PRC1: variants seen among roughly 807,000 people sequenced by gnomAD.
The protein encoded by PRC1 is protein regulator of cytokinesis 1.
In PRC1, 54 loss-of-function variants were observed where a neutral mutation model predicts 91.2. The ratio of observed to expected loss-of-function variants is 0.59; its 90% confidence interval spans 0.48 to 0.74. The LOEUF (loss-of-function observed/expected upper bound fraction) is 0.74, where lower values mean the gene tolerates loss of function less well. Ranked by LOEUF, PRC1 falls within the 30% of genes least tolerant of loss-of-function variation. The pLI is 0.00. For synonymous variants in PRC1, 275 were observed against 263.6 expected, an observed-to-expected ratio of 1.04 and a Z score of -0.42; for missense variants, 727 against 746.2, an observed-to-expected ratio of 0.97 and a Z score of 0.30.
At chr15:90,969,762 ACATATATATATATATAT>A (rs1373238971) in intron 12 of PRC1, 139 bp from the exon 13 acceptor site, 38 of 174,656 alleles carry the variant, frequency 2.2e-4, no homozygotes, top group African/African-American at 3.7e-4. Context: ...TAAAAAAAAA[ACATATATATATATATAT>A]ATATATATAT....
intron 7 of PRC1, among the ~76,000 whole-genome samples, chr15:90,979,637 T>C (rs1364298973): frequency 6.6e-6 from 1 of 152,344 alleles, no homozygotes; most frequent in East Asian, 1.9e-4. Flanking sequence ...TGCAAAAACA[T>C]CTGTTGAATT....
Position 90,980,320 on chromosome 15 carries a change from G to T in PRC1, c.892C>A (p.Arg298=). Residue 298 remains arginine, a synonymous_variant, in exon 7 of 15, where the codon CGA becomes AGA. Coordinates refer to ENST00000394249, the MANE Select transcript of PRC1 (RefSeq NM_003981.4). ...QNMKKVIEAI[R]VELVQYWDQC... ...TCCCAGTACTGAACCAGCTCCACTC[G>T]AATTGCCTCAATCACTTTCTTCATG... 3.1e-6 allele frequency: 5 copies of T among 1,614,110 alleles called. No individual in the cohort carries two copies. Among genetic ancestry groups the T allele is most frequent in the Non-Finnish European group, 4.2e-6 (5 of 1,180,008 alleles).
chr15:90,973,971 C>T (rs1422350150), intron 11 of PRC1, 165 bp downstream of exon 11: 5 of 604,262 alleles, frequency 8.3e-6, no homozygotes, highest in Non-Finnish European at 1.5e-5. Context: ...CCTGGGCCCA[C>T]TGTTCTTTCT....
intron 11 of PRC1, among the ~76,000 whole-genome samples, chr15:90,971,521 A>G (rs1244910534): frequency 6.6e-6 from 1 of 151,738 alleles, no homozygotes; most frequent in Non-Finnish European, 1.5e-5. Flanking sequence ...AGTTCAAGCA[A>G]TCCCCCTACC....
At chr15:90,977,633 G>C (rs376009533) in intron 8 of PRC1, among the ~76,000 whole-genome samples, 2 of 144,924 alleles carry the variant, frequency 1.4e-5, no homozygotes, top group African/African-American at 2.6e-5. Context: ...GCCCAGGCTG[G>C]AGTGCAGTGG....
At position 90,984,976 on chromosome 15, in the gene PRC1, C is replaced by T; in HGVS notation, c.12-151G>A. The stretch of plus-strand genomic sequence containing the variant: ...GCATTCAGCTTAATTCACCTTTAAC[C>T]ACTCCCCATCCCTTTTCCTACCAAA... On this transcript the variant is annotated intron_variant, in intron 1 of 14. Coordinates refer to ENST00000394249, the MANE Select transcript of PRC1 (RefSeq NM_003981.4). The surrounding 1 kb of genome is among the most constrained non-coding windows in gnomAD (Gnocchi z 5.1). The T allele has an allele frequency of 1.1e-6, 1 of 892,516 alleles. No individual in the cohort carries two copies. The highest frequency in any genetic ancestry group is 2.6e-5 in the East Asian group (1 of 38,572). 55.3% of individuals were successfully genotyped at this position (892,516 alleles called of 1,614,324 possible).
In PRC1 at chr15:90,974,839, C is replaced by T. The variant is rs74682148; in HGVS notation, c.1204-108G>A. On this transcript the variant is annotated intron_variant, in intron 9 of 14. Coordinates refer to ENST00000394249, the MANE Select transcript of PRC1 (RefSeq NM_003981.4). This position sits in a 1 kb window ranked among gnomAD's most constrained non-coding sequence, Gnocchi z 4.6. ...TCCTCCTCCCCAGAGCATCATTAGC[C>T]TCATTTCAGGTAGCTGGGCCCACAT... is the stretch of plus-strand genomic sequence containing the variant. 6,719 of 1,362,276 alleles carry T rather than the reference C, an allele frequency of 4.9e-3. 23 individuals carry two copies. The highest frequency in any genetic ancestry group is 6.3e-3 in the Non-Finnish European group (6,161 of 974,374). 84.4% of individuals were successfully genotyped at this position (1,362,276 alleles called of 1,614,324 possible). A position where few individuals can be genotyped will look rare whatever the true frequency, so the allele number is the denominator to read the frequency against.
Position 90,966,354 on chromosome 15 carries a change from T to G in PRC1, c.*777A>C. ...TCCAGATCTCCACGACAAAGACAGC[T>G]CAACCCATTGGAACAAACAGACTCC... On this transcript the variant is annotated 3_prime_UTR_variant, in exon 15 of 15. Coordinates refer to ENST00000394249, the MANE Select transcript of PRC1 (RefSeq NM_003981.4). 1 of 317,734 alleles carries G rather than the reference T, an allele frequency of 3.1e-6. No homozygotes were observed. Among genetic ancestry groups the G allele is most frequent in the Non-Finnish European group, 6.3e-6 (1 of 158,156 alleles). 19.7% of individuals were successfully genotyped at this position (317,734 alleles called of 1,614,324 possible). A position where few individuals can be genotyped will look rare whatever the true frequency, so the allele number is the denominator to read the frequency against.
chr15:90,989,975 C>A (rs1567206627), intron 1 of PRC1, among the ~76,000 whole-genome samples: 7 of 152,062 alleles, frequency 4.6e-5, no homozygotes, highest in Admixed American at 4.6e-4. Flanking sequence ...AGGTGATCCT[C>A]CCACCTGAGC....
chr15:90,976,112 G>A (rs1046373328), intron 9 of PRC1, among the ~76,000 whole-genome samples: 2 of 152,034 alleles, frequency 1.3e-5, no homozygotes, highest in Non-Finnish European at 2.9e-5. Context: ...TCTCTGAGAT[G>A]GAGTCTCACT....
At chr15:90,977,306 T>C (rs1318837284) in intron 8 of PRC1, 1 of 152,396 alleles carries the variant, frequency 6.6e-6, no homozygotes, top group Non-Finnish European at 1.5e-5. Context: ...CGGACCAGCA[T>C]GTGTTTTCTT....
At chr15:90,991,148 T>G (rs1174267008) in intron 1 of PRC1, among the ~76,000 whole-genome samples, 2 of 150,990 alleles carry the variant, frequency 1.3e-5, no homozygotes, top group East Asian at 3.9e-4. Flanking sequence ...CCGGGCGCGG[T>G]GGCTCGTGTG....
chr15:90,975,103 G>A (rs1276955608), intron 9 of PRC1, among the ~76,000 whole-genome samples: 1 of 152,178 alleles, frequency 6.6e-6, no homozygotes, highest in Non-Finnish European at 1.5e-5. Context: ...CTGTGAAGCA[G>A]TGAGCAAATT....
intron 12 of PRC1, 138 bp from the exon 13 acceptor site, chr15:90,969,761 A>AAAATATATATAT (rs1468521171): frequency 6.9e-6 from 1 of 144,052 alleles, no homozygotes; most frequent in South Asian, 2.6e-4. Flanking sequence ...TTAAAAAAAA[A>AAAATATATATAT]ACATATATAT....
At chr15:90,968,418 C>T (rs1354845207) in intron 14 of PRC1, 27 of 985,650 alleles carry the variant, frequency 2.7e-5, no homozygotes, top group Non-Finnish European at 3.3e-5. Context: ...AATATCCCCT[C>T]AAGGGTGAGG....
intron 3 of PRC1, 70 bp from the exon 4 acceptor site, chr15:90,982,051 T>C: frequency 7.2e-7 from 1 of 1,386,806 alleles, no homozygotes; most frequent in Non-Finnish European, 1.0e-6. Flanking sequence ...AAGGACAACA[T>C]AAGAAGGCGT....
At chr15:90,980,456 C>A in intron 6 of PRC1, 67 bp from the exon 7 acceptor site, 4 of 1,510,230 alleles carry the variant, frequency 2.6e-6, no homozygotes, top group Non-Finnish European at 3.6e-6. Context: ...TGCAAAAGAT[C>A]CCCCCCTTTT....
At chr15:90,991,650 G>A (rs1235115786) in intron 1 of PRC1, among the ~76,000 whole-genome samples, 1 of 151,274 alleles carries the variant, frequency 6.6e-6, no homozygotes. Context: ...TATCATCCTT[G>A]ACACTTCTTT....
At chr15:90,978,417 G>A (rs941660483) in intron 8 of PRC1, among the ~76,000 whole-genome samples, 1 of 152,076 alleles carries the variant, frequency 6.6e-6, no homozygotes, top group African/African-American at 2.4e-5. Context: ...AGGAGTGAGG[G>A]GCAATGCCTT....
Sources: allele counts gnomAD v4.1 joint callset (sites outside exome capture counted in the v4.1 genomes callset), GRCh38; gene constraint gnomAD v4.1.1; non-coding constraint Gnocchi (gnomAD v3.1); transcripts MANE v1.5; gene names NCBI Gene and HGNC (gene_info 2026-07-23, HGNC 2026-07-21).